Variants in ZNF257 observed in about 807,000 individuals in gnomAD.
ZNF257 encodes bone marrow zinc finger 4.
In ZNF257, 12 loss-of-function variants were observed where a neutral mutation model predicts 11.9. That is an observed-to-expected ratio of 1.01 (90% confidence interval 0.65 to 1.63). The LOEUF is 1.63. Among genes scored for constraint, ZNF257 ranks in the 40% most tolerant of loss-of-function variants. The pLI, the probability that ZNF257 is intolerant of heterozygous loss-of-function variation, is 0.00. For synonymous variants in ZNF257, 183 were observed against 222.7 expected (o/e 0.82, Z 1.59); for missense variants, 580 against 665.5 (o/e 0.87, Z 1.41).
rs73930400 is a variant in ZNF257 at position 22,087,742 on chromosome 19, C to T, written c.227-235C>T. ...TCTTTTTCTTCTATGTTGCTTTTTA[C>T]ATCGTGTTAACCTGGGGCACTTTAC... is the stretch of plus-strand genomic sequence containing the variant. On this transcript the variant is annotated intron_variant, in intron 3 of 3. Transcript: ENST00000594947. 1,531 of 634,418 alleles carry T rather than the reference C, an allele frequency of 2.4e-3. 22 individuals carry two copies. The African/African-American group carries it at 0.024, about 10-fold the overall frequency. 39.3% of individuals were successfully genotyped at this position (634,418 alleles called of 1,614,324 possible). A position where few individuals can be genotyped will look rare whatever the true frequency, so the allele number is the denominator to read the frequency against.
chr19:22,084,699 C>T (rs2022433973), intron 3 of ZNF257, among the ~76,000 whole-genome samples: 2 of 149,650 alleles, frequency 1.3e-5, no homozygotes, highest in Admixed American at 1.3e-4. Context: ...ATTCTTATTC[C>T]ATTTTGTTCA....
intron 3 of ZNF257, among the ~76,000 whole-genome samples, chr19:22,081,399 A>T (rs1343785853): frequency 6.6e-6 from 1 of 151,950 alleles, no homozygotes; most frequent in Non-Finnish European, 1.5e-5. Context: ...ATTTGCATGG[A>T]ATATAGATTT....
At chr19:22,082,722 T>G (rs138274676) in intron 3 of ZNF257, among the ~76,000 whole-genome samples, 1 of 152,302 alleles carries the variant, frequency 6.6e-6, no homozygotes, top group East Asian at 1.9e-4. Flanking sequence ...TTGATCGACT[T>G]GATGCTGTCC....
chr19:22,058,284 T>G (rs2021697314), intron 1 of ZNF257, among the ~76,000 whole-genome samples: 1 of 151,686 alleles, frequency 6.6e-6, no homozygotes, highest in Non-Finnish European at 1.5e-5. Context: ...TTTTTTTTTG[T>G]CCTATACATT....
intron 3 of ZNF257, chr19:22,087,414 A>T (rs16998838): frequency 0.021 from 8,854 of 421,818 alleles, 718 homozygotes; most frequent in African/African-American, 0.16. Context: ...CTAGTTATCA[A>T]TCACTTGCTA....
At chr19:22,072,415 T>C (rs1207223936) in intron 1 of ZNF257, among the ~76,000 whole-genome samples, 2 of 152,094 alleles carry the variant, frequency 1.3e-5, no homozygotes, top group Non-Finnish European at 2.9e-5. Flanking sequence ...TTTTACTTAG[T>C]GGATGTTTGA....
rs2022586478 is a variant in ZNF257, at chr19:22,089,795, A to C, written c.*353A>C. On this transcript the variant is annotated 3_prime_UTR_variant, in exon 4 of 4. Transcript: ENST00000594947. The stretch of plus-strand genomic sequence containing the variant: ...GGACAGAAATCCTAAAGTGTGAAGA[A>C]TGTCACAAAGCCCTTAATAAGTCCT... 1 of 303,776 alleles carries C rather than the reference A, an allele frequency of 3.3e-6. No individual in the cohort carries two copies. Among genetic ancestry groups the C allele is most frequent in the South Asian group, 4.1e-5 (1 of 24,150 alleles). The allele number at this position is 303,776 out of a possible 1,614,324, so 18.8% of individuals were successfully genotyped here. A position where few individuals can be genotyped will look rare whatever the true frequency, so the allele number is the denominator to read the frequency against.
intron 1 of ZNF257, among the ~76,000 whole-genome samples, chr19:22,053,267 C>T (rs779077048): frequency 7.0e-4 from 101 of 144,986 alleles, no homozygotes; most frequent in Admixed American, 1.3e-3. Flanking sequence ...ACTCAGGAGG[C>T]TGAGGCAGGA....
In ZNF257 at chr19:22,072,811, A is replaced by G; in HGVS notation, c.6A>G (p.Gly2=). 1 of 1,609,762 alleles carries G rather than the reference A, an allele frequency of 6.2e-7. No individual in the cohort carries two copies. The highest frequency in any genetic ancestry group is 8.5e-7 in the Non-Finnish European group (1 of 1,178,296). ...GTCTGTGTTTGTGTGTTTTTCAGGG[A>G]CCACTGACAATTAGGGATGTGACTG... M[G]PLTIRDVTVE... is the part of the protein sequence containing the mutation. Residue 2 remains glycine (G), a splice_region_variant and synonymous_variant, in exon 2 of 4, where the codon GGA becomes GGG. Transcript: ENST00000594947.
rs142024462 is a variant in ZNF257, at chr19:22,068,251, T to G, written c.4-4558T>G. ...GCAACTTGAATCTTTGCTCCCAGGT[T>G]ACAGTCCTCAAAGATGGAACAAATA... On this transcript the variant is annotated intron_variant, in intron 1 of 3. Transcript: ENST00000594947. Among the ~76,000 whole-genome samples, 818 of 151,834 alleles carry G rather than the reference T, an allele frequency of 5.4e-3. 4 individuals are homozygous for G. Among genetic ancestry groups the G allele is most frequent in the African/African-American group, 0.018 (751 of 41,352 alleles).
chr19:22,052,966 G>A (rs1830928114), intron 1 of ZNF257, among the ~76,000 whole-genome samples: 1 of 152,184 alleles, frequency 6.6e-6, no homozygotes, highest in Admixed American at 6.5e-5. Context: ...GACTCGGGGT[G>A]CGGGGTTCAT....
intron 1 of ZNF257, among the ~76,000 whole-genome samples, chr19:22,054,409 A>G (rs1172934106): frequency 6.6e-6 from 1 of 152,128 alleles, no homozygotes; most frequent in Admixed American, 6.6e-5. Flanking sequence ...CAGAGTCTCA[A>G]GTTTTACCCT....
chr19:22,069,245 T>C (rs1164162436), intron 1 of ZNF257, among the ~76,000 whole-genome samples: 1 of 152,118 alleles, frequency 6.6e-6, no homozygotes, highest in East Asian at 1.9e-4. Context: ...TTAAGCATCA[T>C]ATGGTTGATA....
chr19:22,083,825 A>G (rs2022410814), intron 3 of ZNF257, among the ~76,000 whole-genome samples: 1 of 152,130 alleles, frequency 6.6e-6, no homozygotes, highest in Non-Finnish European at 1.5e-5. Context: ...TAGTTGTTAG[A>G]ATATTTTCTG....
chr19:22,086,089 A>G (rs2145718683), intron 3 of ZNF257, among the ~76,000 whole-genome samples: 2 of 152,092 alleles, frequency 1.3e-5, no homozygotes, highest in East Asian at 3.9e-4. Context: ...TATTTTATTA[A>G]TTATTTTATT....
At chr19:22,078,146 G>A (rs1035498992) in intron 3 of ZNF257, among the ~76,000 whole-genome samples, 3 of 150,816 alleles carry the variant, frequency 2.0e-5, no homozygotes, top group East Asian at 2.0e-4. Flanking sequence ...GCTGAAGCAG[G>A]AGAATTGCTT....
intron 3 of ZNF257, among the ~76,000 whole-genome samples, chr19:22,077,079 C>T (rs960844400): frequency 2.6e-5 from 4 of 152,000 alleles, no homozygotes; most frequent in Non-Finnish European, 5.9e-5. Flanking sequence ...TTTGGGAGAC[C>T]AAGACAGAAG....
chr19:22,086,247 TA>T (rs1372998893), intron 3 of ZNF257, among the ~76,000 whole-genome samples: 5 of 152,014 alleles, frequency 3.3e-5, no homozygotes, highest in Non-Finnish European at 7.4e-5. Context: ...AGGGATTACA[TA>T]AAACCTCTAA....
intron 3 of ZNF257, among the ~76,000 whole-genome samples, chr19:22,076,932 C>A (rs372434378): frequency 6.6e-6 from 1 of 152,154 alleles, no homozygotes; most frequent in Non-Finnish European, 1.5e-5. Context: ...TCATGATCCG[C>A]CTGCCTTGGC....
Sources: gnomAD v4.1 joint callset for allele counts (sites outside exome capture counted in the v4.1 genomes callset) on GRCh38, gnomAD v4.1.1 for gene constraint, MANE v1.5 for transcripts, NCBI Gene and HGNC (gene_info 2026-07-23, HGNC 2026-07-21) for gene names.